The following SYNPR variants were observed in gnomAD, a reference collection of about 807,000 sequenced individuals.
SYNPR encodes synaptoporin.
A neutral mutation model predicts 32.9 loss-of-function variants in SYNPR; 23 were observed. The observed-to-expected ratio is 0.70, with a 90% confidence interval of 0.50 to 0.99. The LOEUF (loss-of-function observed/expected upper bound fraction) is 0.99, where lower values mean the gene tolerates loss of function less well. Ranked by LOEUF, SYNPR falls within the 50% of genes least tolerant of loss-of-function variation. The pLI is 0.00. For synonymous variants in SYNPR, 146 were observed against 135.9 expected, an observed-to-expected ratio of 1.07 and a Z score of -0.52; for missense variants, 318 against 349.3, an observed-to-expected ratio of 0.91 and a Z score of 0.71.
At chr3:63,435,585 T>C (rs1289842795) in intron 2 of SYNPR, among the ~76,000 whole-genome samples, 1 of 152,240 alleles carries the variant, frequency 6.6e-6, no homozygotes. Flanking sequence ...TTCCTTTGAC[T>C]GCCCCTAGCA....
intron 2 of SYNPR, among the ~76,000 whole-genome samples, chr3:63,471,918 G>A (rs1055334225): frequency 2.0e-5 from 3 of 152,166 alleles, no homozygotes; most frequent in Non-Finnish European, 2.9e-5. Context: ...TGACAATTAG[G>A]AGGAGGAACT....
At chr3:63,371,790 G>A (rs552384842) in intron 2 of SYNPR, among the ~76,000 whole-genome samples, 126 of 152,306 alleles carry the variant, frequency 8.3e-4, no homozygotes, top group African/African-American at 2.9e-3. Flanking sequence ...CACTTTAGTC[G>A]GAGGCGGTTC....
At chr3:63,593,589 C>T (rs917734858) in intron 4 of SYNPR, among the ~76,000 whole-genome samples, 1 of 152,098 alleles carries the variant, frequency 6.6e-6, no homozygotes, top group Admixed American at 6.6e-5. Context: ...TTTCTGGGAA[C>T]AGTCTAGAAA....
At chr3:63,417,853 C>A (rs2088562470) in intron 2 of SYNPR, among the ~76,000 whole-genome samples, 1 of 152,170 alleles carries the variant, frequency 6.6e-6, no homozygotes, top group Non-Finnish European at 1.5e-5. Context: ...CAGGGCCCAG[C>A]CTATGAAACC....
chr3:63,297,653 C>T (rs2086802962), intron 2 of SYNPR, among the ~76,000 whole-genome samples: 1 of 152,154 alleles, frequency 6.6e-6, no homozygotes, highest in Non-Finnish European at 1.5e-5. Flanking sequence ...GCAAGATAGT[C>T]TGGTAATACT....
intron 2 of SYNPR, among the ~76,000 whole-genome samples, chr3:63,393,491 C>CTCTTTTTT (rs2088170047): frequency 8.6e-6 from 1 of 116,624 alleles, no homozygotes; most frequent in African/African-American, 3.8e-5. Context: ...TTCTTTCTTT[C>CTCTTTTTT]TTCTCTTTTT....
At chr3:63,473,352 G>A (rs1218768179) in intron 2 of SYNPR, among the ~76,000 whole-genome samples, 1 of 152,080 alleles carries the variant, frequency 6.6e-6, no homozygotes, top group African/African-American at 2.4e-5. Flanking sequence ...TCTTGAAATA[G>A]ACAGCAAGTT....
At chr3:63,493,190 C>T (rs1701288340) in intron 3 of SYNPR, among the ~76,000 whole-genome samples, 1 of 152,084 alleles carries the variant, frequency 6.6e-6, no homozygotes, top group African/African-American at 2.4e-5. Context: ...CTTCCCCAAC[C>T]CCAGCCCATC....
intron 2 of SYNPR, among the ~76,000 whole-genome samples, chr3:63,392,943 G>A (rs1167433463): frequency 6.6e-6 from 1 of 152,134 alleles, no homozygotes. Flanking sequence ...CATTCTAGTA[G>A]TGTATTATGA....
At chr3:63,502,681 A>G (rs1701505355) in intron 3 of SYNPR, among the ~76,000 whole-genome samples, 1 of 152,172 alleles carries the variant, frequency 6.6e-6, no homozygotes, top group South Asian at 2.1e-4. Flanking sequence ...TATTTCACTT[A>G]GTAATATGCA....
At chr3:63,382,515 T>C (rs1253643527) in intron 2 of SYNPR, among the ~76,000 whole-genome samples, 1 of 152,212 alleles carries the variant, frequency 6.6e-6, no homozygotes, top group Admixed American at 6.5e-5. Flanking sequence ...GTTCTTTTCG[T>C]GGTGCTTTGT....
intron 4 of SYNPR, among the ~76,000 whole-genome samples, chr3:63,591,110 G>GA (rs1703293221): frequency 6.7e-6 from 1 of 149,852 alleles, no homozygotes; most frequent in Non-Finnish European, 1.5e-5. Context: ...AAATTTACGA[G>GA]AAAAAAACAA....
At chr3:63,260,955 A>T (rs6783896) in intron 2 of SYNPR, among the ~76,000 whole-genome samples, 1 of 151,962 alleles carries the variant, frequency 6.6e-6, no homozygotes, top group African/African-American at 2.4e-5. Context: ...GCCAAAAGAC[A>T]TATGAAAAAA....
chr3:63,520,689 A>G (rs1330328622), intron 3 of SYNPR, among the ~76,000 whole-genome samples: 1 of 140,936 alleles, frequency 7.1e-6, no homozygotes, highest in African/African-American at 2.6e-5. Flanking sequence ...AAAAAAAATC[A>G]GAGTGATCAT....
chr3:63,453,184 C>T (rs1435812033), intron 2 of SYNPR, among the ~76,000 whole-genome samples: 3 of 152,140 alleles, frequency 2.0e-5, no homozygotes, highest in Non-Finnish European at 2.9e-5. Context: ...AAAGAATAGG[C>T]TTCCAGCCCT....
intron 2 of SYNPR, among the ~76,000 whole-genome samples, chr3:63,318,554 CTTTCCAGAGCA>C (rs1478294747): frequency 1.3e-5 from 2 of 151,950 alleles, no homozygotes; most frequent in Non-Finnish European, 2.9e-5. Flanking sequence ...ATTGCTGAGA[CTTTCCAGAGCA>C]TTTTATATTT....
chr3:63,474,979 T>C lies in SYNPR; in HGVS notation c.85-5853T>C, dbSNP rs567055923. Among the ~76,000 whole-genome samples the C allele has an allele frequency of 1.3e-4, 20 of 152,298 alleles. No homozygotes were observed. The South Asian group carries it at 2.5e-3, about 19-fold the overall frequency. ...TGCAAATTAACCAGAAGGATTAATATCACCTTTCATTGATATTCCGTGTGT... is the reference window on the plus strand; with the variant it reads ...TGCAAATTAACCAGAAGGATTAATACCACCTTTCATTGATATTCCGTGTGT... On this transcript the variant is annotated intron_variant, in intron 2 of 5. Transcript: ENST00000478300.
intron 3 of SYNPR, among the ~76,000 whole-genome samples, chr3:63,525,145 A>G (rs920433415): frequency 6.6e-6 from 1 of 152,150 alleles, no homozygotes; most frequent in African/African-American, 2.4e-5. Flanking sequence ...TTCACCTCCA[A>G]AATGTTTCTA....
At chr3:63,449,704 C>T (rs75781148) in intron 2 of SYNPR, among the ~76,000 whole-genome samples, 9,659 of 152,186 alleles carry the variant, frequency 0.063, 522 homozygotes, top group East Asian at 0.28. Context: ...TTGCTTTCCC[C>T]GAATATACTA....
Sources: gnomAD v4.1 joint callset for allele counts (sites outside exome capture counted in the v4.1 genomes callset) on GRCh38, gnomAD v4.1.1 for gene constraint, MANE v1.5 for transcripts, NCBI Gene and HGNC (gene_info 2026-07-23, HGNC 2026-07-21) for gene names.